The following LRP1B variants were observed in gnomAD, a reference collection of about 807,000 sequenced individuals.
LRP1B encodes the protein low-density lipoprotein receptor-related protein 1B.
Under a neutral mutation model 556.6 loss-of-function variants are expected in LRP1B, and 217 were observed. The ratio of observed to expected loss-of-function variants is 0.39; its 90% CI spans 0.35 to 0.44. The LOEUF (loss-of-function observed/expected upper bound fraction) is 0.44, where lower values mean the gene tolerates loss of function less well. LRP1B is among the 20% of genes least tolerant of loss of function. The pLI is 1.00. For synonymous variants in LRP1B, 2,047 were observed against 1,865.8 expected, an observed-to-expected ratio of 1.10 and a Z score of -2.50; for missense variants, 5,053 against 5,620.8, an observed-to-expected ratio of 0.90 and a Z score of 3.23.
intron 2 of LRP1B, among the ~76,000 whole-genome samples, chr2:141,617,435 C>G (rs1688347954): frequency 1.3e-5 from 2 of 152,136 alleles, no homozygotes; most frequent in Non-Finnish European, 2.9e-5. Flanking sequence ...GTATCATTGG[C>G]TGGACTGCAG....
In LRP1B at chr2:141,639,363, CATAT is replaced by C. The variant is rs775633233; in HGVS notation, c.206-158834_206-158831del. Among the ~76,000 whole-genome samples the C allele has an allele frequency of 1.4e-3, 92 of 66,032 alleles. 2 individuals carry two copies. Among genetic ancestry groups the C allele is most frequent in the South Asian group, 2.1e-3 (4 of 1,864 alleles). The allele number at this position is 66,032 out of a possible 152,430, so 43.3% of individuals were successfully genotyped here. A position where few individuals can be genotyped will look rare whatever the true frequency, so the allele number is the denominator to read the frequency against. On this transcript the variant is annotated intron_variant, in intron 2 of 90. Coordinates refer to ENST00000389484, the MANE Select transcript of LRP1B (RefSeq NM_018557.3). ...ATATATATATATACACACACACACACATATATATATATACACATATATATATACA... is the reference window on the plus strand; with the variant it reads ...ATATATATATATACACACACACACACATATATATACACATATATATATACA...
intron 3 of LRP1B, among the ~76,000 whole-genome samples, chr2:141,425,254 A>C: frequency 6.6e-6 from 1 of 151,588 alleles, no homozygotes. Context: ...TGAAGTCATC[A>C]TTTTTTATGG....
intron 3 of LRP1B, among the ~76,000 whole-genome samples, chr2:141,475,261 G>A (rs1682656015): frequency 6.6e-6 from 1 of 152,106 alleles, no homozygotes; most frequent in Admixed American, 6.6e-5. Flanking sequence ...CAGCTACTTG[G>A]GACACTGAGG....
intron 2 of LRP1B, among the ~76,000 whole-genome samples, chr2:141,755,948 T>C (rs1694303967): frequency 6.6e-6 from 1 of 151,714 alleles, no homozygotes; most frequent in African/African-American, 2.4e-5. Context: ...TTAAAATATA[T>C]AAAATAGTGT....
At chr2:141,971,188 G>A (rs192730578) in intron 1 of LRP1B, among the ~76,000 whole-genome samples, 1 of 151,590 alleles carries the variant, frequency 6.6e-6, no homozygotes, top group East Asian at 1.9e-4. Flanking sequence ...GCTATGTTGT[G>A]ATGTCCCAAA....
At chr2:142,014,175 G>A (rs564655110) in intron 1 of LRP1B, among the ~76,000 whole-genome samples, 18 of 152,018 alleles carry the variant, frequency 1.2e-4, no homozygotes, top group Non-Finnish European at 2.9e-5. Context: ...TCACCACTTC[G>A]CTTTCTTAAT....
intron 1 of LRP1B, among the ~76,000 whole-genome samples, chr2:142,121,664 T>A (rs912973397): frequency 6.6e-6 from 1 of 151,904 alleles, no homozygotes; most frequent in Non-Finnish European, 1.5e-5. Flanking sequence ...CACATTACAT[T>A]ATTTTTCTTT....
At chr2:142,091,788 A>G (rs1706182457) in intron 1 of LRP1B, among the ~76,000 whole-genome samples, 1 of 152,162 alleles carries the variant, frequency 6.6e-6, no homozygotes, top group African/African-American at 2.4e-5. Context: ...CCTTTCCAGA[A>G]ATTCTCTTTT....
intron 7 of LRP1B, among the ~76,000 whole-genome samples, chr2:141,186,069 ACT>A (rs1317349133): frequency 1.2e-5 from 1 of 85,456 alleles, no homozygotes; most frequent in Non-Finnish European, 2.1e-5. Context: ...ATAGAACGAG[ACT>A]CTGTCTCAAA....
intron 41 of LRP1B, among the ~76,000 whole-genome samples, chr2:140,681,709 C>T (rs1398436976): frequency 2.6e-5 from 4 of 152,072 alleles, no homozygotes; most frequent in Non-Finnish European, 4.4e-5. Context: ...TACTACTTGG[C>T]AACTAATTGG....
At chr2:141,389,474 G>A (rs1486187923) in intron 3 of LRP1B, among the ~76,000 whole-genome samples, 2 of 152,080 alleles carry the variant, frequency 1.3e-5, no homozygotes, top group Non-Finnish European at 2.9e-5. Context: ...TTAACTCAAA[G>A]TGAACCAAAG....
intron 20 of LRP1B, among the ~76,000 whole-genome samples, chr2:140,947,123 A>G (rs1223123733): frequency 6.6e-6 from 1 of 152,176 alleles, no homozygotes; most frequent in East Asian, 1.9e-4. Flanking sequence ...ATCATGCAAA[A>G]TACTCTTAAC....
chr2:142,003,065 T>C (rs769998595), intron 1 of LRP1B, among the ~76,000 whole-genome samples: 1 of 152,224 alleles, frequency 6.6e-6, no homozygotes. Flanking sequence ...TCAAAGGCTA[T>C]CATGCATATT....
At chr2:140,318,351 G>A (rs1353942090) in intron 82 of LRP1B, among the ~76,000 whole-genome samples, 3 of 152,064 alleles carry the variant, frequency 2.0e-5, no homozygotes, top group Non-Finnish European at 4.4e-5. Context: ...ACAAGAATGG[G>A]CTTTGAGGTT....
intron 20 of LRP1B, among the ~76,000 whole-genome samples, 162 bp downstream of exon 20, chr2:140,950,073 G>A (rs1412374206): frequency 6.6e-6 from 1 of 151,642 alleles, no homozygotes; most frequent in Non-Finnish European, 1.5e-5. Flanking sequence ...AAAAAGCAAA[G>A]AGGGAAAGGA....
chr2:140,826,223 C>T (rs1559141492), intron 31 of LRP1B, among the ~76,000 whole-genome samples: 1 of 152,068 alleles, frequency 6.6e-6, no homozygotes, highest in African/African-American at 2.4e-5. Context: ...TACATCAGGT[C>T]CTTGAATAAC....
intron 47 of LRP1B, among the ~76,000 whole-genome samples, chr2:140,532,411 T>TG (rs1237301183): frequency 6.7e-6 from 1 of 148,848 alleles, no homozygotes; most frequent in South Asian, 2.2e-4. Flanking sequence ...TTTTGGGGGG[T>TG]GGGGGGTATG....
chr2:140,594,350 G>C (rs531456868), intron 43 of LRP1B, among the ~76,000 whole-genome samples: 7 of 152,196 alleles, frequency 4.6e-5, no homozygotes, highest in African/African-American at 1.7e-4. Context: ...TTTCCATTCA[G>C]AATATTCATA....
In LRP1B at chr2:140,654,025, C is replaced by CAAAA. The variant is rs61199077; in HGVS notation, c.6799+46221_6799+46224dup. Among the ~76,000 whole-genome samples, 122 of 35,376 alleles carry CAAAA rather than the reference C, an allele frequency of 3.4e-3. 5 individuals carry two copies. The highest frequency in any genetic ancestry group is 4.5e-3 in the Non-Finnish European group (74 of 16,288). 23.2% of individuals were successfully genotyped at this position (35,376 alleles called of 152,430 possible). A position where few individuals can be genotyped will look rare whatever the true frequency, so the allele number is the denominator to read the frequency against. On this transcript the variant is annotated intron_variant, in intron 41 of 90. Coordinates refer to ENST00000389484, the MANE Select transcript of LRP1B (RefSeq NM_018557.3). Reference sequence around the variant, plus strand: ...GGGAGACAAGAGCAAGACTCCATCTCAAAAAAAAAAAAAAAAAAAAAAAAA... The same window carrying CAAAA: ...GGGAGACAAGAGCAAGACTCCATCTCAAAAAAAAAAAAAAAAAAAAAAAAAAAAA...
Sources: allele counts gnomAD v4.1 joint callset (sites outside exome capture counted in the v4.1 genomes callset), GRCh38; gene constraint gnomAD v4.1.1; transcripts MANE v1.5; gene names NCBI Gene and HGNC (gene_info 2026-07-23, HGNC 2026-07-21).